The following BEND7 variants were observed in gnomAD, a reference collection of about 807,000 sequenced individuals.
BEND7 encodes BEN domain-containing protein 7.
In BEND7, 28 loss-of-function variants were observed where a neutral mutation model predicts 50.9. That is an observed-to-expected ratio of 0.55 (90% CI 0.41 to 0.75). The LOEUF (loss-of-function observed/expected upper bound fraction) is 0.75, where lower values mean the gene tolerates loss of function less well. Ranked by LOEUF, BEND7 falls within the 30% of genes least tolerant of loss-of-function variation. The probability of loss-of-function intolerance (pLI) is 0.00; values close to 1 mark genes in which losing one functional copy is unlikely to be tolerated. For missense variants in BEND7, 477 were observed against 491.3 expected, an observed-to-expected ratio of 0.97 and a Z score of 0.28; for synonymous variants, 170 against 183.9, an observed-to-expected ratio of 0.92 and a Z score of 0.61.
intron 7 of BEND7, among the ~76,000 whole-genome samples, chr10:13,451,351 G>A: frequency 6.6e-6 from 1 of 151,242 alleles, no homozygotes; most frequent in Non-Finnish European, 1.5e-5. Flanking sequence ...ATCTTGCTTG[G>A]CTAATTTTTA....
At chr10:13,496,951 A>C in intron 3 of BEND7, 63 bp from the exon 4 acceptor site, 2 of 1,421,690 alleles carry the variant, frequency 1.4e-6, no homozygotes, top group Non-Finnish European at 1.9e-6. Flanking sequence ...AAAAATCATA[A>C]AGAGGTGGAG....
At chr10:13,513,036 C>A (rs969942418) in intron 2 of BEND7, among the ~76,000 whole-genome samples, 5 of 152,190 alleles carry the variant, frequency 3.3e-5, no homozygotes, top group Non-Finnish European at 5.9e-5. Flanking sequence ...GATATGTATA[C>A]CATGCACACA....
At chr10:13,526,333 TAAAC>T (rs1564429476) in intron 1 of BEND7, 112 bp from the exon 2 acceptor site, 1 of 311,234 alleles carries the variant, frequency 3.2e-6, no homozygotes, top group Non-Finnish European at 5.4e-6. Flanking sequence ...AATTTATAAA[TAAAC>T]TTTTTGAGAA....
intron 6 of BEND7, among the ~76,000 whole-genome samples, chr10:13,457,955 A>G (rs1223610907): frequency 6.6e-6 from 1 of 152,266 alleles, no homozygotes; most frequent in African/African-American, 2.4e-5. Flanking sequence ...ATTTTAATAT[A>G]TGAAGAAGCA....
At chr10:13,446,947 G>A (rs1483962312) in intron 8 of BEND7, 5 of 352,442 alleles carry the variant, frequency 1.4e-5, no homozygotes, top group East Asian at 7.3e-5. Context: ...GTTTTAAGGT[G>A]AAATCTCATT....
At chr10:13,479,423 C>T (rs2075701207) in intron 6 of BEND7, among the ~76,000 whole-genome samples, 1 of 152,154 alleles carries the variant, frequency 6.6e-6, no homozygotes. Context: ...ATTAGGATGA[C>T]TCTTCTACTG....
chr10:13,466,161 T>C (rs2074227625), intron 6 of BEND7, among the ~76,000 whole-genome samples: 1 of 152,150 alleles, frequency 6.6e-6, no homozygotes, highest in Admixed American at 6.5e-5. Flanking sequence ...GGTTACGTCG[T>C]ATTTACTAAG....
chr10:13,500,012 GC>G lies in BEND7; in HGVS notation c.213del (p.Arg72GlyfsTer13), dbSNP rs2077326029. On this transcript the variant is annotated frameshift_variant, in exon 3 of 9. Coordinates refer to ENST00000466271, the MANE Select transcript of BEND7 (RefSeq NM_001369863.1). LOFTEE classifies it high-confidence loss of function. The part of the protein sequence containing the change: ...GMRRLLNDST[G>X]RIYQRVGKEG... ...TCTTTGCCAACTCGCTGATAGATCC[GC>G]CCAGTGCTGTCGTTCAGCAATCTTC... The G allele has an allele frequency of 6.2e-7, 1 of 1,613,794 alleles. No individual in the cohort carries two copies. Among genetic ancestry groups the G allele is most frequent in the African/African-American group, 1.3e-5 (1 of 74,886 alleles).
intron 2 of BEND7, among the ~76,000 whole-genome samples, chr10:13,521,270 A>G (rs2079061588): frequency 6.6e-6 from 1 of 152,070 alleles, no homozygotes; most frequent in Non-Finnish European, 1.5e-5. Flanking sequence ...AGACAGGCAG[A>G]CCCTGGCTTG....
intron 2 of BEND7, chr10:13,502,941 G>A (rs1252984465): frequency 2.0e-6 from 2 of 985,098 alleles, no homozygotes; most frequent in Non-Finnish European, 2.4e-6. Context: ...TCCTGCCAAA[G>A]GTCCTGCCTC....
chr10:13,506,274 TG>T (rs1445816930), intron 2 of BEND7, among the ~76,000 whole-genome samples: 1 of 152,198 alleles, frequency 6.6e-6, no homozygotes, highest in East Asian at 1.9e-4. Context: ...CTGCCTTCCC[TG>T]TTGGCCCCGC....
chr10:13,510,157 G>A (rs1429071684), intron 2 of BEND7, among the ~76,000 whole-genome samples: 3 of 151,432 alleles, frequency 2.0e-5, no homozygotes, highest in South Asian at 2.1e-4. Context: ...TACTAATGAT[G>A]GAAAAATGGG....
At chr10:13,522,462 A>C (rs1270848898) in intron 2 of BEND7, among the ~76,000 whole-genome samples, 1 of 152,148 alleles carries the variant, frequency 6.6e-6, no homozygotes, top group East Asian at 1.9e-4. Context: ...CATTATAGGA[A>C]TCATTATATC....
intron 5 of BEND7, among the ~76,000 whole-genome samples, chr10:13,483,159 C>A (rs1343751180): frequency 6.6e-6 from 1 of 152,080 alleles, no homozygotes; most frequent in African/African-American, 2.4e-5. Context: ...AGGGGAAGGA[C>A]ACTAGTTACT....
chr10:13,496,753 C>T lies in BEND7; in HGVS notation c.571+13G>A, dbSNP rs777433434. 6.2e-7 allele frequency: 1 copy of T among 1,610,156 alleles called. No homozygotes were observed. The highest frequency in any genetic ancestry group is 2.2e-5 in the East Asian group (1 of 44,752). On this transcript the variant is annotated intron_variant, in intron 4 of 8. Coordinates refer to ENST00000466271, the MANE Select transcript of BEND7 (RefSeq NM_001369863.1). ...AAAATCAAAGGACTCATTCCGAGGC[C>T]TGATCCTTGTACCTGCTTGAATTTG...
intron 7 of BEND7, among the ~76,000 whole-genome samples, chr10:13,451,677 A>G (rs1046303906): frequency 2.6e-5 from 4 of 151,804 alleles, no homozygotes; most frequent in African/African-American, 7.3e-5. Flanking sequence ...TGTTACATAT[A>G]TATACATGTG....
Position 13,499,861 on chromosome 10 carries a change from G to A in BEND7, c.365C>T (p.Pro122Leu), listed in dbSNP as rs2077311968. 2.5e-6 allele frequency: 4 copies of A among 1,614,052 alleles called. 1 individual carries two copies. The South Asian group carries it at 3.3e-5, about 13-fold the overall frequency. ...SSRGVWNELPPQSGQFSGQYG... is the reference protein window; with the variant it reads ...SSRGVWNELPLQSGQFSGQYG... Reference sequence around the variant, plus strand: ...CTGCCCTGAGAACTGTCCACTCTGGGGCGGTAGCTCATTCCACACACCACG... The same window carrying A: ...CTGCCCTGAGAACTGTCCACTCTGGAGCGGTAGCTCATTCCACACACCACG... The change falls in exon 3 of 9, where the codon CCC (proline) becomes CTC (leucine). Residue 122 changes from proline to leucine, a missense_variant. By Grantham distance (98) the Pro-to-Leu change is moderately conservative. Around this residue, in one of 3 missense-constraint regions of BEND7, gnomAD observed 396 missense variants for 384.2 expected, o/e 1.03. Transcript: ENST00000466271.
In BEND7 at chr10:13,506,352, C is replaced by T. The variant is rs150693130; in HGVS notation, c.146-6272G>A. ...AGAACCTGGCTTTCCTCTTGCTCCC[C>T]GAAACACGGCTCTTTTAACCCCTGG... is the stretch of plus-strand genomic sequence containing the variant. On this transcript the variant is annotated intron_variant, in intron 2 of 8. Transcript: ENST00000466271. Among the ~76,000 whole-genome samples, 318 of 152,234 alleles carry T rather than the reference C, an allele frequency of 2.1e-3. 3 individuals carry two copies. Among genetic ancestry groups the T allele is most frequent in the African/African-American group, 7.2e-3 (301 of 41,542 alleles).
chr10:13,522,177 CAT>C (rs2079127317), intron 2 of BEND7, among the ~76,000 whole-genome samples: 2 of 152,218 alleles, frequency 1.3e-5, no homozygotes, highest in African/African-American at 2.4e-5. Flanking sequence ...GACAGATAAA[CAT>C]GTTTCCAATG....
Sources: allele counts gnomAD v4.1 joint callset (sites outside exome capture counted in the v4.1 genomes callset), GRCh38; gene constraint gnomAD v4.1.1; regional missense constraint gnomAD v4.1.1; transcripts MANE v1.5; gene names NCBI Gene and HGNC (gene_info 2026-07-23, HGNC 2026-07-21).